DSC3: variants seen among roughly 807,000 people sequenced by gnomAD.
The protein encoded by DSC3 is desmocollin-3.
Under a neutral mutation model 89.5 loss-of-function variants are expected in DSC3, and 97 were observed. The ratio of observed to expected loss-of-function variants is 1.08; its 90% CI spans 0.92 to 1.28. The LOEUF (loss-of-function observed/expected upper bound fraction) is 1.28. Among genes scored for constraint, DSC3 ranks in the 50% most tolerant of loss-of-function variants. The pLI is 0.00. For synonymous variants in DSC3, 436 were observed against 384.1 expected (o/e 1.14, Z -1.58); for missense variants, 1,199 against 1,085.3 (o/e 1.10, Z -1.47).
chr18:31,025,897 G>C lies in DSC3; in HGVS notation c.493C>G (p.Gln165Glu). Reference protein sequence around the residue: ...FLQQVESDAAQNYTVFYSISG... With the variant: ...FLQQVESDAAENYTVFYSISG... Reference sequence around the variant, plus strand: ...ATTGAGTAGAAGACAGTATAGTTCTGTGCTGCATCAGATTCAACCTAAAAG... The same window carrying C: ...ATTGAGTAGAAGACAGTATAGTTCTCTGCTGCATCAGATTCAACCTAAAAG... The change falls in exon 5 of 16, where the codon CAG becomes GAG. Residue 165 changes from glutamine to glutamate, a missense_variant. Physicochemically the swap from Gln to Glu is conservative, Grantham distance 29 (BLOSUM62 2). Transcript: ENST00000360428. 1.2e-6 allele frequency: 2 copies of C among 1,612,294 alleles called. No homozygotes were observed. Among genetic ancestry groups the C allele is most frequent in the Non-Finnish European group, 1.7e-6 (2 of 1,179,076 alleles).
intron 15 of DSC3, among the ~76,000 whole-genome samples, chr18:30,995,971 T>TAAAAAAAAAAAA (rs1196444633): frequency 3.1e-3 from 115 of 37,000 alleles, no homozygotes; most frequent in East Asian, 7.4e-3. Flanking sequence ...GACCCTGCCT[T>TAAAAAAAAAAAA]AAAAAAAAAA....
At chr18:31,026,056 G>T in intron 4 of DSC3, 141 bp from the exon 5 acceptor site, 1 of 877,510 alleles carries the variant, frequency 1.1e-6, no homozygotes, top group Non-Finnish European at 1.7e-6. Flanking sequence ...AACCATTGTT[G>T]GCAAGAGTAA....
chr18:31,004,992 A>T (rs1415399051), intron 12 of DSC3, among the ~76,000 whole-genome samples: 2 of 152,188 alleles, frequency 1.3e-5, no homozygotes, highest in East Asian at 3.9e-4. Context: ...CATATTGTCA[A>T]CTAACCAAAA....
At position 31,008,540 on chromosome 18, in the gene DSC3, C is replaced by T; in HGVS notation, c.1264-15G>A. On this transcript the variant is annotated splice_polypyrimidine_tract_variant and intron_variant, in intron 9 of 15. Transcript: ENST00000360428. The stretch of plus-strand genomic sequence containing the variant: ...TAATTCAGTGGCTTTAAAATAAAGT[C>T]CATGTATATCAGTGTCAGTGTAAAA... The T allele has an allele frequency of 6.2e-7, 1 of 1,613,468 alleles. No homozygotes were observed. The highest frequency in any genetic ancestry group is 1.3e-5 in the African/African-American group (1 of 75,042).
chr18:31,006,909 T>C lies in DSC3; in HGVS notation c.1886A>G (p.Asn629Ser), dbSNP rs1984862376. The part of the protein sequence containing the change: ...ISRLWSLTKV[N>S]DTAARLSYQK... ...AATCATTATTTTTTATTAAATACCATTAACTTTGGTGAGGCTCCACAGTCT... is the reference window on the plus strand; with the variant it reads ...AATCATTATTTTTTATTAAATACCACTAACTTTGGTGAGGCTCCACAGTCT... The change falls in exon 12 of 16, where the codon AAT becomes AGT. Residue 629 changes from asparagine to serine, a missense_variant and splice_region_variant. Coordinates refer to ENST00000360428, the MANE Select transcript of DSC3 (RefSeq NM_001941.5). 1 of 1,604,388 alleles carries C rather than the reference T, an allele frequency of 6.2e-7. No homozygotes were observed. The highest frequency in any genetic ancestry group is 8.5e-7 in the Non-Finnish European group (1 of 1,171,752).
chr18:31,039,282 C>T (rs779344890), intron 1 of DSC3, among the ~76,000 whole-genome samples: 18 of 151,930 alleles, frequency 1.2e-4, no homozygotes, highest in South Asian at 2.1e-4. Flanking sequence ...AAAGAGAGAA[C>T]GAAAATTAAA....
intron 1 of DSC3, among the ~76,000 whole-genome samples, chr18:31,032,488 A>T (rs1019737279): frequency 6.6e-6 from 1 of 152,122 alleles, no homozygotes; most frequent in Admixed American, 6.5e-5. Flanking sequence ...AGAAAAACAG[A>T]ATCATTTCTT....
chr18:31,011,969 C>CA (rs371759932), intron 9 of DSC3, among the ~76,000 whole-genome samples: 538 of 51,568 alleles, frequency 0.01, 71 homozygotes, highest in African/African-American at 0.037. Context: ...ACTCCATCTC[C>CA]AAAAAAAAAA....
At chr18:31,021,419 T>C (rs2144714864) in intron 7 of DSC3, among the ~76,000 whole-genome samples, 1 of 152,142 alleles carries the variant, frequency 6.6e-6, no homozygotes, top group African/African-American at 2.4e-5. Context: ...TCCGGCCCCA[T>C]AAAAAATAAA....
intron 13 of DSC3, among the ~76,000 whole-genome samples, chr18:31,002,885 T>C (rs1229161287): frequency 1.3e-5 from 2 of 152,188 alleles, no homozygotes; most frequent in African/African-American, 4.8e-5. Flanking sequence ...CCTGCAAAGC[T>C]TGACATATAT....
intron 1 of DSC3, among the ~76,000 whole-genome samples, chr18:31,040,715 A>C (rs1352207416): frequency 6.6e-6 from 1 of 152,214 alleles, no homozygotes; most frequent in Non-Finnish European, 1.5e-5. Context: ...ACAATGTTTT[A>C]AAGATAAGTA....
At position 31,008,308 on chromosome 18, in the gene DSC3, T is replaced by C; in HGVS notation, c.1481A>G (p.Lys494Arg). ...LAVGSKINGYKAYDPENRNGN... is the reference protein window; with the variant it reads ...LAVGSKINGYRAYDPENRNGN... The stretch of plus-strand genomic sequence containing the variant: ...ATTTCTATTTTCGGGGTCATATGCC[T>C]TATAGCCGTTGATCTTTGACCCCAC... The change falls in exon 10 of 16, where the codon AAG becomes AGG. Residue 494 changes from lysine to arginine, a missense_variant. Physicochemically the swap from Lys to Arg is conservative, Grantham distance 26. Transcript: ENST00000360428. The C allele has an allele frequency of 6.2e-7, 1 of 1,614,134 alleles. No homozygotes were observed. The highest frequency in any genetic ancestry group is 1.1e-5 in the South Asian group (1 of 91,078).
chr18:31,009,332 C>T (rs979608967), intron 9 of DSC3, among the ~76,000 whole-genome samples: 18 of 152,110 alleles, frequency 1.2e-4, no homozygotes, highest in African/African-American at 3.4e-4. Context: ...GGATTACAGG[C>T]GTGAACCACC....
At chr18:31,010,248 G>A (rs1985012605) in intron 9 of DSC3, among the ~76,000 whole-genome samples, 1 of 152,124 alleles carries the variant, frequency 6.6e-6, no homozygotes, top group Non-Finnish European at 1.5e-5. Flanking sequence ...CCCACAAACT[G>A]GAGAGTCAAG....
chr18:31,030,467 T>C (rs1419354724), intron 3 of DSC3, among the ~76,000 whole-genome samples: 5 of 152,200 alleles, frequency 3.3e-5, no homozygotes, highest in Non-Finnish European at 5.9e-5. Flanking sequence ...ATGGCATTCC[T>C]CACTGTAAAG....
chr18:31,032,924 G>C (rs1399743704), intron 1 of DSC3, among the ~76,000 whole-genome samples: 1 of 152,044 alleles, frequency 6.6e-6, no homozygotes, highest in Non-Finnish European at 1.5e-5. Flanking sequence ...TAAATTTGTA[G>C]ACAGAAAATC....
intron 1 of DSC3, among the ~76,000 whole-genome samples, chr18:31,033,502 AGT>A (rs1985871017): frequency 6.6e-6 from 1 of 152,218 alleles, no homozygotes; most frequent in Non-Finnish European, 1.5e-5. Context: ...AGAAATAAAT[AGT>A]CTTTTCAACA....
At chr18:30,994,453 C>A in intron 15 of DSC3, 81 bp from the exon 16 acceptor site, 1 of 1,596,076 alleles carries the variant, frequency 6.3e-7, no homozygotes, top group Non-Finnish European at 8.6e-7. Flanking sequence ...TTTTTATTTA[C>A]CTTTTATGTT....
intron 8 of DSC3, 45 bp downstream of exon 8, chr18:31,018,621 T>C: frequency 6.3e-7 from 1 of 1,586,142 alleles, no homozygotes; most frequent in East Asian, 2.2e-5. Flanking sequence ...AAATAAAAAA[T>C]GATAGCAGAT....
Sources: gnomAD v4.1 joint callset for allele counts (sites outside exome capture counted in the v4.1 genomes callset) on GRCh38, gnomAD v4.1.1 for gene constraint, MANE v1.5 for transcripts, NCBI Gene and HGNC (gene_info 2026-07-23, HGNC 2026-07-21) for gene names.